The following TTLL11 variants were observed in gnomAD, a reference collection of about 807,000 sequenced individuals.
TTLL11 encodes tubulin tyrosine ligase like 11, also known as tubulin polyglutamylase TTLL11.
TTLL11 carries 42 observed loss-of-function variants against 51.7 expected under a neutral mutation model. The observed-to-expected ratio is 0.81, with a 90% CI of 0.64 to 1.05. The LOEUF (loss-of-function observed/expected upper bound fraction) is 1.05. Ranked by LOEUF, TTLL11 falls within the 50% of genes least tolerant of loss-of-function variation. The probability of loss-of-function intolerance (pLI) is 0.00; values close to 1 mark genes in which losing one functional copy is unlikely to be tolerated. For synonymous variants in TTLL11, 381 were observed against 383.5 expected, an observed-to-expected ratio of 0.99 and a Z score of 0.08; for missense variants, 799 against 940.4, an observed-to-expected ratio of 0.85 and a Z score of 1.97.
intron 1 of TTLL11, among the ~76,000 whole-genome samples, chr9:122,082,306 C>A (rs780794156): frequency 8.6e-5 from 13 of 152,010 alleles, no homozygotes; most frequent in Non-Finnish European, 1.3e-4. Context: ...GAGTTCAAGA[C>A]CAGCTTAGCC....
intron 6 of TTLL11, among the ~76,000 whole-genome samples, chr9:121,926,041 G>A (rs1188756323): frequency 3.3e-5 from 5 of 152,138 alleles, no homozygotes; most frequent in African/African-American, 4.8e-5. Context: ...ACCAGTTTAC[G>A]CGTGTGAAGG....
At chr9:121,873,326 C>A (rs1838424282) in intron 6 of TTLL11, among the ~76,000 whole-genome samples, 1 of 149,670 alleles carries the variant, frequency 6.7e-6, no homozygotes. Flanking sequence ...TAAGTCAGTT[C>A]TTATAATCCA....
In TTLL11 at chr9:122,091,909, C is replaced by A. The variant is rs1588273264; in HGVS notation, c.462+778G>T. Among the ~76,000 whole-genome samples the A allele has an allele frequency of 2.0e-5, 3 of 152,198 alleles. No individual in the cohort carries two copies. In the East Asian group the frequency reaches 5.8e-4, roughly 29 times the overall value. On this transcript the variant is annotated intron_variant, in intron 1 of 8. Transcript: ENST00000321582. The stretch of plus-strand genomic sequence containing the variant: ...GGATGATAACTCATGTATTCATTCA[C>A]CCTTTCATTCACTGCTTACTGACAC...
At chr9:121,962,874 A>T (rs1842280785) in intron 6 of TTLL11, among the ~76,000 whole-genome samples, 1 of 152,196 alleles carries the variant, frequency 6.6e-6, no homozygotes, top group Non-Finnish European at 1.5e-5. Flanking sequence ...GGCCCTGGAG[A>T]TAGAGACATG....
chr9:121,962,010 C>A (rs762326071), intron 6 of TTLL11, among the ~76,000 whole-genome samples: 4 of 152,090 alleles, frequency 2.6e-5, no homozygotes, highest in East Asian at 1.9e-4. Flanking sequence ...GAGCTGAGAT[C>A]GTGCCACTGC....
At chr9:121,867,348 C>G (rs1838208950) in intron 7 of TTLL11, among the ~76,000 whole-genome samples, 3 of 152,182 alleles carry the variant, frequency 2.0e-5, no homozygotes, top group Admixed American at 2.0e-4. Flanking sequence ...ACGGGATGTG[C>G]TCTCCAGCTT....
chr9:121,938,224 G>C (rs1841303746), intron 6 of TTLL11, among the ~76,000 whole-genome samples: 1 of 150,974 alleles, frequency 6.6e-6, no homozygotes, highest in Non-Finnish European at 1.5e-5. Context: ...GGGATGCAGA[G>C]GTTTCAGTGA....
chr9:121,949,391 G>A (rs1301792602), intron 6 of TTLL11, among the ~76,000 whole-genome samples: 1 of 152,186 alleles, frequency 6.6e-6, no homozygotes. Context: ...AGACAAACTC[G>A]TTGTCTTAGA....
intron 1 of TTLL11, among the ~76,000 whole-genome samples, chr9:122,057,781 G>C (rs1000009527): frequency 2.6e-5 from 4 of 152,132 alleles, no homozygotes; most frequent in Non-Finnish European, 1.5e-5. Flanking sequence ...TGGTAAAAGA[G>C]GTATTTAAAA....
rs1836494531 is a variant in TTLL11, at chr9:121,819,082, G to C, written c.*3505C>G. On this transcript the variant is annotated 3_prime_UTR_variant, in exon 9 of 9. Coordinates refer to ENST00000321582, the MANE Select transcript of TTLL11 (RefSeq NM_001139442.2). ...GAAGTAAGAGGAAGCCAGGTGGTTT[G>C]TTTTAGGGATGGATGCTGCTCTCTC... The C allele has an allele frequency of 6.5e-6, 1 of 152,788 alleles. No individual in the cohort carries two copies. The highest frequency in any genetic ancestry group is 1.9e-4 in the East Asian group (1 of 5,186). The allele number at this position is 152,788 out of a possible 1,614,324, so 9.5% of individuals were successfully genotyped here. A position where few individuals can be genotyped will look rare whatever the true frequency, so the allele number is the denominator to read the frequency against.
At chr9:121,988,635 C>G (rs1203543281) in intron 4 of TTLL11, among the ~76,000 whole-genome samples, 1 of 152,226 alleles carries the variant, frequency 6.6e-6, no homozygotes. Context: ...CCTTCCCTGA[C>G]CACGCCACTC....
At chr9:122,008,982 A>G (rs986317990) in intron 3 of TTLL11, among the ~76,000 whole-genome samples, 1 of 152,264 alleles carries the variant, frequency 6.6e-6, no homozygotes, top group Admixed American at 6.5e-5. Context: ...TGGAATCTAA[A>G]TAAGTTGAAC....
chr9:121,902,588 AGTT>A (rs1264892837), intron 6 of TTLL11, among the ~76,000 whole-genome samples: 3 of 150,914 alleles, frequency 2.0e-5, no homozygotes, highest in African/African-American at 7.3e-5. Flanking sequence ...GTTTCTACCG[AGTT>A]GTTTTTTTTT....
intron 6 of TTLL11, among the ~76,000 whole-genome samples, chr9:121,912,553 C>T (rs1233052702): frequency 6.6e-6 from 1 of 152,024 alleles, no homozygotes; most frequent in East Asian, 1.9e-4. Context: ...ACACCACTCC[C>T]TTGCCTGAGT....
At chr9:121,891,175 G>A (rs1044312036) in intron 6 of TTLL11, among the ~76,000 whole-genome samples, 3 of 152,184 alleles carry the variant, frequency 2.0e-5, no homozygotes, top group Non-Finnish European at 4.4e-5. Context: ...CTCCACCAGG[G>A]CAGGAAGACC....
chr9:122,052,239 C>T lies in TTLL11; in HGVS notation c.463-12871G>A, dbSNP rs556921325. ...ACATCTCAGTGAACAGCACTGCTCCCCAGACAGAGGAGAAATTCCACCCCA... is the reference window on the plus strand; with the variant it reads ...ACATCTCAGTGAACAGCACTGCTCCTCAGACAGAGGAGAAATTCCACCCCA... On this transcript the variant is annotated intron_variant, in intron 1 of 8. Coordinates refer to ENST00000321582, the MANE Select transcript of TTLL11 (RefSeq NM_001139442.2). Among the ~76,000 whole-genome samples the T allele has an allele frequency of 2.6e-5, 4 of 152,322 alleles. No individual in the cohort carries two copies. The East Asian group carries it at 7.7e-4, about 29-fold the overall frequency.
chr9:122,006,465 T>A (rs1379344894), intron 3 of TTLL11, among the ~76,000 whole-genome samples: 1 of 152,170 alleles, frequency 6.6e-6, no homozygotes, highest in Non-Finnish European at 1.5e-5. Context: ...ACCATGGTAT[T>A]TGAGTCACTC....
chr9:121,851,776 T>C (rs1837669347), intron 8 of TTLL11, among the ~76,000 whole-genome samples: 1 of 152,174 alleles, frequency 6.6e-6, no homozygotes, highest in Non-Finnish European at 1.5e-5. Flanking sequence ...CAATAAAGTG[T>C]GTGCAAACAA....
At chr9:121,855,308 C>A (rs1454408101) in intron 8 of TTLL11, among the ~76,000 whole-genome samples, 4 of 152,158 alleles carry the variant, frequency 2.6e-5, no homozygotes, top group Admixed American at 2.0e-4. Context: ...TAATAAAACA[C>A]AAAACAAACA....
Sources: allele counts gnomAD v4.1 joint callset (sites outside exome capture counted in the v4.1 genomes callset), GRCh38; gene constraint gnomAD v4.1.1; transcripts MANE v1.5; gene names NCBI Gene and HGNC (gene_info 2026-07-23, HGNC 2026-07-21).